Variants in NOTCH2 observed in about 807,000 individuals in gnomAD.
NOTCH2 encodes the protein notch receptor 2, also known as neurogenic locus notch homolog protein 2.
Under a neutral mutation model 235.8 loss-of-function variants are expected in NOTCH2, and 29 were observed. The observed-to-expected ratio is 0.12, with a 90% CI of 0.09 to 0.17. The LOEUF is 0.17. NOTCH2 is among the 10% of genes least tolerant of loss of function. NOTCH2 has a pLI of 1.00. For missense variants in NOTCH2, 2,285 were observed against 3,150.2 expected, an observed-to-expected ratio of 0.73 and a Z score of 6.57; for synonymous variants, 1,086 against 1,141.5, an observed-to-expected ratio of 0.95 and a Z score of 0.98.
chr1:119,954,987 C>T, intron 13 of NOTCH2, 53 bp downstream of exon 13: 1 of 1,593,454 alleles, frequency 6.3e-7, no homozygotes, highest in Admixed American at 1.7e-5. Flanking sequence ...TACTACAAGC[C>T]AACTGGCTTA....
chr1:119,923,591 T>G, intron 26 of NOTCH2, 46 bp downstream of exon 26: 3 of 1,503,846 alleles, frequency 2.0e-6, no homozygotes, highest in Non-Finnish European at 1.9e-6. Context: ...GTCAAAGTGC[T>G]AGGCTTCATA....
chr1:120,023,137 T>TA lies in NOTCH2; in HGVS notation c.155+6768dup, dbSNP rs368001618. Among the ~76,000 whole-genome samples, 26 of 152,038 alleles carry TA rather than the reference T, an allele frequency of 1.7e-4. No individual in the cohort carries two copies. In the South Asian group the frequency reaches 4.0e-3, roughly 23 times the overall value. ...GACTCAAACTTAAGTCTATCTGGCA[T>TA]AAAAAAACCTATGTCCTCAGCTGGG... On this transcript the variant is annotated intron_variant, in intron 2 of 33. Transcript: ENST00000256646.
chr1:119,937,694 TC>T (rs1186675134), intron 20 of NOTCH2, among the ~76,000 whole-genome samples, 162 bp downstream of exon 20: 1 of 152,218 alleles, frequency 6.6e-6, no homozygotes, highest in Non-Finnish European at 1.5e-5. Flanking sequence ...AACCTATTCC[TC>T]TACCCTTACA....
chr1:119,966,540 C>A (rs1651144258), intron 8 of NOTCH2, 51 bp from the exon 9 acceptor site: 1 of 1,326,090 alleles, frequency 7.5e-7, no homozygotes, highest in African/African-American at 1.4e-5. Context: ...AAGGTGTATT[C>A]CAGACAAGGA....
intron 14 of NOTCH2, among the ~76,000 whole-genome samples, chr1:119,952,474 A>C (rs1185923592): frequency 6.6e-6 from 1 of 152,212 alleles, no homozygotes; most frequent in African/African-American, 2.4e-5. Flanking sequence ...AGACAGTCCC[A>C]TCTGGAGGTG....
Position 119,912,829 on chromosome 1 carries a change from T to G in NOTCH2, c.*2477A>C. The G allele has an allele frequency of 4.3e-6, 1 of 233,622 alleles. No individual in the cohort carries two copies. Among genetic ancestry groups the G allele is most frequent in the Non-Finnish European group, 8.5e-6 (1 of 117,990 alleles). 14.5% of individuals were successfully genotyped at this position (233,622 alleles called of 1,614,324 possible). On this transcript the variant is annotated 3_prime_UTR_variant, in exon 34 of 34. Transcript: ENST00000256646. Reference sequence around the variant, plus strand: ...AAATCTAAGAGATCAGTAAAAAGTTTGAAAGGCAGTGTTGTCCTCCTCATC... The same window carrying G: ...AAATCTAAGAGATCAGTAAAAAGTTGGAAAGGCAGTGTTGTCCTCCTCATC...
chr1:119,970,987 G>T (rs1651339000), intron 5 of NOTCH2, among the ~76,000 whole-genome samples: 1 of 152,172 alleles, frequency 6.6e-6, no homozygotes, highest in Non-Finnish European at 1.5e-5. Flanking sequence ...AAATGCCAAG[G>T]CTATCTCTAG....
rs145799900 is a variant in NOTCH2 at position 119,925,588 on chromosome 1, G to A, written c.4228C>T (p.Arg1410Cys). 127 of 1,613,996 alleles carry A rather than the reference G, an allele frequency of 7.9e-5. No individual in the cohort carries two copies. The highest frequency in any genetic ancestry group is 1.0e-4 in the Non-Finnish European group (119 of 1,180,038). ...GGGGGTGCCGTGTAGAGTTCACAGC[G>A]GCTACCCGAGAATGGTGGGGCACAC... ...CQCAPPFSGS[R>C]CELYTAPPST... The change falls in exon 25 of 34, where the codon CGC (arginine) becomes TGC (cysteine). Residue 1410 changes from arginine to cysteine, a missense_variant. Physicochemically the swap from Arg to Cys is radical, Grantham distance 180. Around this residue, in one of 6 missense-constraint regions of NOTCH2, gnomAD observed 1,173 missense variants for 1,515.3 expected, o/e 0.77. Transcript: ENST00000256646.
intron 4 of NOTCH2, 149 bp downstream of exon 4, chr1:119,996,848 A>G: frequency 1.1e-6 from 1 of 903,636 alleles, no homozygotes; most frequent in Non-Finnish European, 1.8e-6. Context: ...TGGGCCCATA[A>G]AACTCCTCCC....
At chr1:119,956,739 G>A (rs1037264034) in intron 12 of NOTCH2, among the ~76,000 whole-genome samples, 3 of 152,112 alleles carry the variant, frequency 2.0e-5, no homozygotes, top group African/African-American at 4.8e-5. Context: ...TCTTGGAAGC[G>A]TCTCCTCAGA....
At chr1:119,918,187 C>T (rs1162317177) in intron 32 of NOTCH2, among the ~76,000 whole-genome samples, 2 of 151,962 alleles carry the variant, frequency 1.3e-5, no homozygotes, top group African/African-American at 4.8e-5. Context: ...GCTCTGAGGT[C>T]CAAGAACCCT....
rs749668081 is a variant in NOTCH2, at chr1:119,922,942, T to C, written c.4860-164A>G. Among the ~76,000 whole-genome samples, 112 of 152,314 alleles carry C rather than the reference T, an allele frequency of 7.4e-4. No individual in the cohort carries two copies. The highest frequency in any genetic ancestry group is 1.2e-3 in the Non-Finnish European group (85 of 68,020). ...CTGCCTTAAGACATATCTCAGGAAT[T>C]AGAATACTGTCCCTTGAGATCTTAA... is the stretch of plus-strand genomic sequence containing the variant. On this transcript the variant is annotated intron_variant, in intron 26 of 33. Coordinates refer to ENST00000256646, the MANE Select transcript of NOTCH2 (RefSeq NM_024408.4).
chr1:120,069,541 T>G lies in NOTCH2; in HGVS notation c.-135A>C. 6 of 1,413,388 alleles carry G rather than the reference T, an allele frequency of 4.2e-6. No individual in the cohort carries two copies. The highest frequency in any genetic ancestry group is 5.5e-6 in the Non-Finnish European group (6 of 1,092,038). 87.6% of individuals were successfully genotyped at this position (1,413,388 alleles called of 1,614,324 possible). A position where few individuals can be genotyped will look rare whatever the true frequency, so the allele number is the denominator to read the frequency against. On this transcript the variant is annotated 5_prime_UTR_variant, in exon 1 of 34. Coordinates refer to ENST00000256646, the MANE Select transcript of NOTCH2 (RefSeq NM_024408.4). ...AAAGGCTCAGGCCCTGGCGCTACGC[T>G]CCGAAGCCCAGGCGCAAATGCCTCG...
At chr1:119,927,724 C>T (rs1001732945) in intron 23 of NOTCH2, among the ~76,000 whole-genome samples, 1 of 152,136 alleles carries the variant, frequency 6.6e-6, no homozygotes, top group Admixed American at 6.5e-5. Flanking sequence ...TTTCAAAGTG[C>T]AGTTTGGCCA....
At chr1:119,985,223 G>A (rs1387119142) in intron 5 of NOTCH2, among the ~76,000 whole-genome samples, 3 of 151,982 alleles carry the variant, frequency 2.0e-5, no homozygotes, top group African/African-American at 7.3e-5. Flanking sequence ...GAATTGGCAT[G>A]AGTGAAGAAA....
intron 18 of NOTCH2, among the ~76,000 whole-genome samples, chr1:119,941,003 T>C (rs1305934587): frequency 6.6e-6 from 1 of 152,228 alleles, no homozygotes; most frequent in Non-Finnish European, 1.5e-5. Context: ...AAAATGAAGT[T>C]TTCTAGGTTT....
intron 1 of NOTCH2, among the ~76,000 whole-genome samples, chr1:120,034,337 A>G (rs1654224065): frequency 2.3e-5 from 2 of 88,186 alleles, no homozygotes; most frequent in East Asian, 2.5e-4. Flanking sequence ...TACTCCACCA[A>G]AAAAAAAAAA....
chr1:120,024,744 T>C (rs1308478169), intron 2 of NOTCH2, among the ~76,000 whole-genome samples: 1 of 152,252 alleles, frequency 6.6e-6, no homozygotes, highest in African/African-American at 2.4e-5. Flanking sequence ...TGTATACAAC[T>C]CACAGTGACT....
Position 119,935,561 on chromosome 1 carries a change from T to C in NOTCH2, c.3566A>G (p.Asp1189Gly). Residue 1189 changes from aspartate (D) to glycine (G), a missense_variant, in exon 22 of 34, where the codon GAT becomes GGT. This residue lies in a region of NOTCH2 where 1,173 missense variants were observed against 1,515.3 expected (regional missense o/e 0.77). Coordinates refer to ENST00000256646, the MANE Select transcript of NOTCH2 (RefSeq NM_024408.4). Reference protein sequence around the residue: ...YQGVNCEYEVDECQNQPCQNG... With the variant: ...YQGVNCEYEVGECQNQPCQNG... ...CTGGCAGGGCTGATTCTGGCACTCA[T>C]CCACTTCATACTCACAGTTGACACC... 6.2e-7 allele frequency: 1 copy of C among 1,614,132 alleles called. No homozygotes were observed. The highest frequency in any genetic ancestry group is 8.5e-7 in the Non-Finnish European group (1 of 1,180,018).
Sources: gnomAD v4.1 joint callset for allele counts (sites outside exome capture counted in the v4.1 genomes callset) on GRCh38, gnomAD v4.1.1 for gene constraint, gnomAD v4.1.1 regional missense constraint, MANE v1.5 for transcripts, NCBI Gene and HGNC (gene_info 2026-07-23, HGNC 2026-07-21) for gene names.